Variants in MRPL21 observed in about 807,000 individuals in gnomAD.
MRPL21 encodes the protein large ribosomal subunit protein bL21m.
MRPL21 carries 20 observed loss-of-function variants against 27.3 expected under a neutral mutation model. The observed-to-expected ratio is 0.73, with a 90% CI of 0.52 to 1.06. The LOEUF (loss-of-function observed/expected upper bound fraction) is 1.06, where lower values mean the gene tolerates loss of function less well. MRPL21 is among the 50% of genes least tolerant of loss of function. MRPL21 has a pLI of 0.00. For synonymous variants in MRPL21, 98 were observed against 101.5 expected, an observed-to-expected ratio of 0.97 and a Z score of 0.21; for missense variants, 249 against 251.4, an observed-to-expected ratio of 0.99 and a Z score of 0.06.
intron 1 of MRPL21, 99 bp from the exon 2 acceptor site, chr11:68,900,704 G>C: frequency 8.5e-6 from 9 of 1,055,288 alleles, no homozygotes; most frequent in Non-Finnish European, 1.3e-5. Context: ...CTGGTACATG[G>C]TATGAACCAC....
intron 4 of MRPL21, among the ~76,000 whole-genome samples, chr11:68,894,447 AT>A (rs929354833): frequency 2.0e-5 from 3 of 151,856 alleles, no homozygotes; most frequent in East Asian, 1.9e-4. Context: ...ACCCCGGCTA[AT>A]TTTTTTTGGT....
intron 2 of MRPL21, among the ~76,000 whole-genome samples, chr11:68,898,536 C>T (rs751147088): frequency 6.6e-6 from 1 of 152,240 alleles, no homozygotes; most frequent in Non-Finnish European, 1.5e-5. Flanking sequence ...TCCTTCACAC[C>T]CAGGTGAGTG....
Position 68,895,370 on chromosome 11 carries a change from C to G in MRPL21, c.396+1145G>C, listed in dbSNP as rs538048600. ...ATGCCTAGCTAAATAAACAGACTGG[C>G]CAGGCACGTTGGCTCATGCCTATAA... is the stretch of plus-strand genomic sequence containing the variant. On this transcript the variant is annotated intron_variant, in intron 4 of 6. Coordinates refer to ENST00000362034, the MANE Select transcript of MRPL21 (RefSeq NM_181514.2). Among the ~76,000 whole-genome samples, 749 of 152,268 alleles carry G rather than the reference C, an allele frequency of 4.9e-3. 5 individuals are homozygous for G. Among genetic ancestry groups the G allele is most frequent in the Admixed American group, 7.5e-3 (115 of 15,294 alleles).
intron 4 of MRPL21, 112 bp downstream of exon 4, chr11:68,896,403 C>T (rs1302198004): frequency 2.9e-6 from 4 of 1,371,030 alleles, no homozygotes; most frequent in Middle Eastern, 4.3e-4. Context: ...CTTTGTTGGC[C>T]TCCACCTGAG....
chr11:68,903,648 GGCACATACGTGGCGAGACC>G (rs1858035364), intron 1 of MRPL21, 56 bp downstream of exon 1: 1 of 1,492,868 alleles, frequency 6.7e-7, no homozygotes, highest in Non-Finnish European at 9.3e-7. Context: ...GTCGGACCCA[GGCACATACGTGGCGAGACC>G]GCAGGGAGCA....
intron 2 of MRPL21, among the ~76,000 whole-genome samples, 185 bp from the exon 3 acceptor site, chr11:68,898,197 C>T (rs979635897): frequency 1.3e-5 from 2 of 152,336 alleles, no homozygotes; most frequent in African/African-American, 4.8e-5. Context: ...TTTAGAACCA[C>T]AGGGAACAAT....
At chr11:68,894,404 C>A (rs1199897325) in intron 4 of MRPL21, among the ~76,000 whole-genome samples, 1 of 152,182 alleles carries the variant, frequency 6.6e-6, no homozygotes, top group Non-Finnish European at 1.5e-5. Context: ...CCTCAGCCCC[C>A]TGAGTAGCTG....
At chr11:68,894,079 TAGAG>T (rs1857722895) in intron 4 of MRPL21, among the ~76,000 whole-genome samples, 5 of 151,814 alleles carry the variant, frequency 3.3e-5, no homozygotes, top group Admixed American at 2.0e-4. Context: ...AAGCATAACA[TAGAG>T]AGAAAAAGCA....
At chr11:68,896,709 AC>A (rs1441181213) in intron 3 of MRPL21, 31 bp from the exon 4 acceptor site, 1 of 1,611,336 alleles carries the variant, frequency 6.2e-7, no homozygotes, top group Non-Finnish European at 8.5e-7. Flanking sequence ...GTGGGCAGTC[AC>A]CCTCACCTGC....
chr11:68,895,172 G>A (rs945686811), intron 4 of MRPL21, among the ~76,000 whole-genome samples: 1 of 152,144 alleles, frequency 6.6e-6, no homozygotes, highest in African/African-American at 2.4e-5. Flanking sequence ...GCTGAGGCAG[G>A]AGAATCACTT....
rs536442518 is a variant in MRPL21, at chr11:68,893,279, G to A, written c.449+124C>T. On this transcript the variant is annotated intron_variant, in intron 5 of 6. Coordinates refer to ENST00000362034, the MANE Select transcript of MRPL21 (RefSeq NM_181514.2). The stretch of plus-strand genomic sequence containing the variant: ...ATGTCCACTATTATTAAGTATAAAT[G>A]TTGTGTTTGGTGTCAACAAAGAATA... The A allele has an allele frequency of 3.5e-5, 53 of 1,524,982 alleles. 1 individual carries two copies. The South Asian group carries it at 5.2e-4, about 15-fold the overall frequency. 94.5% of individuals were successfully genotyped at this position (1,524,982 alleles called of 1,614,324 possible). A position where few individuals can be genotyped will look rare whatever the true frequency, so the allele number is the denominator to read the frequency against.
rs764066653 is a variant in MRPL21 at position 68,896,607 on chromosome 11, C to T, written c.304G>A (p.Ala102Thr). Residue 102 changes from alanine to threonine, a missense_variant, in exon 4 of 7, where the codon GCC becomes ACC. Transcript: ENST00000362034. Reference protein sequence around the residue: ...YGRLFAVVHFASRQWKVTSED... With the variant: ...YGRLFAVVHFTSRQWKVTSED... ...GAGGTCACCTTCCACTGGCGGCTGG[C>T]AAAGTGCACCACGGCAAAGAGCCTG... The T allele has an allele frequency of 6.2e-7, 1 of 1,614,086 alleles. No individual in the cohort carries two copies. Among genetic ancestry groups the T allele is most frequent in the Non-Finnish European group, 8.5e-7 (1 of 1,180,030 alleles).
At chr11:68,902,365 A>G (rs977475037) in intron 1 of MRPL21, among the ~76,000 whole-genome samples, 3 of 152,244 alleles carry the variant, frequency 2.0e-5, no homozygotes, top group Non-Finnish European at 4.4e-5. Flanking sequence ...TACAAAAGTA[A>G]AGAGAACAGA....
At chr11:68,902,217 A>G (rs1857957631) in intron 1 of MRPL21, among the ~76,000 whole-genome samples, 1 of 152,106 alleles carries the variant, frequency 6.6e-6, no homozygotes, top group Non-Finnish European at 1.5e-5. Context: ...TTTCTCTCCT[A>G]ATGCGTGAGT....
At position 68,901,826 on chromosome 11, in the gene MRPL21, C is replaced by T. The variant is rs149047120; in HGVS notation, c.89-1221G>A. Among the ~76,000 whole-genome samples the T allele has an allele frequency of 5.5e-3, 841 of 152,294 alleles. 7 individuals carry two copies. Among genetic ancestry groups the T allele is most frequent in the Admixed American group, 9.0e-3 (137 of 15,292 alleles). On this transcript the variant is annotated intron_variant, in intron 1 of 6. Transcript: ENST00000362034. ...ACTCGTGTCTGACGAGCACCTCACACCTCCAGAGGCTCCTCATTTCTTCCC... is the reference window on the plus strand; with the variant it reads ...ACTCGTGTCTGACGAGCACCTCACATCTCCAGAGGCTCCTCATTTCTTCCC...
In MRPL21 at chr11:68,892,951, T is replaced by G; in HGVS notation, c.492A>C (p.Thr164=). 1 of 1,612,278 alleles carries G rather than the reference T, an allele frequency of 6.2e-7. No homozygotes were observed. The highest frequency in any genetic ancestry group is 8.5e-7 in the Non-Finnish European group (1 of 1,179,154). Residue 164 remains threonine (T), a synonymous_variant, in exon 6 of 7, where the codon ACA becomes ACC. Transcript: ENST00000362034. The part of the protein sequence containing the change: ...VRVEATVIEK[T]ESWPRIIMRF... ...TCATAATGATTCTTGGCCATGATTC[T>G]GTCTTTTCAATGACTGTGGCTTCTA...
chr11:68,897,381 G>A (rs1327772005), intron 3 of MRPL21, among the ~76,000 whole-genome samples: 2 of 152,218 alleles, frequency 1.3e-5, no homozygotes, highest in East Asian at 1.9e-4. Context: ...CACCAGCACC[G>A]AGGGTGAAAC....
Position 68,896,543 on chromosome 11 carries a change from G to C in MRPL21, c.368C>G (p.Ala123Gly). 1.2e-6 allele frequency: 2 copies of C among 1,614,222 alleles called. No individual in the cohort carries two copies. Among genetic ancestry groups the C allele is most frequent in the Non-Finnish European group, 1.7e-6 (2 of 1,180,044 alleles). The change falls in exon 4 of 7, where the codon GCG becomes GGG. Residue 123 changes from alanine to glycine, a missense_variant. By Grantham distance (60) the Ala-to-Gly change is moderately conservative. Coordinates refer to ENST00000362034, the MANE Select transcript of MRPL21 (RefSeq NM_181514.2). Reference protein sequence around the residue: ...LILIGNELDLACGERIRLEKV... With the variant: ...LILIGNELDLGCGERIRLEKV... ...CTCCAGTCGAATTCTCTCTCCACAC[G>C]CAAGGTCTAGTTCATTTCCAATTAA...
intron 5 of MRPL21, 94 bp downstream of exon 5, chr11:68,893,309 T>C: frequency 2.5e-6 from 4 of 1,584,904 alleles, no homozygotes; most frequent in Non-Finnish European, 3.4e-6. Context: ...AGAATATGAA[T>C]GCAACTCCCC....
Sources: gnomAD v4.1 joint callset for allele counts (sites outside exome capture counted in the v4.1 genomes callset) on GRCh38, gnomAD v4.1.1 for gene constraint, MANE v1.5 for transcripts, NCBI Gene and HGNC (gene_info 2026-07-23, HGNC 2026-07-21) for gene names.